Variants in INVS observed in about 807,000 individuals in gnomAD.
INVS encodes inversion of embryo turning homolog.
Under a neutral mutation model 108.8 loss-of-function variants are expected in INVS, and 86 were observed. That is an observed-to-expected ratio of 0.79 (90% CI 0.66 to 0.95). The LOEUF (loss-of-function observed/expected upper bound fraction) is 0.95, where lower values mean the gene tolerates loss of function less well. Among genes scored for constraint, INVS ranks in the 40% least tolerant of loss-of-function variants. INVS has a pLI of 0.00. For missense variants in INVS, 1,169 were observed against 1,297.4 expected, an observed-to-expected ratio of 0.90 and a Z score of 1.52; for synonymous variants, 455 against 473.5, an observed-to-expected ratio of 0.96 and a Z score of 0.51.
chr9:100,106,787 G>T (rs1222177863), intron 2 of INVS, among the ~76,000 whole-genome samples: 1 of 152,162 alleles, frequency 6.6e-6, no homozygotes, highest in Non-Finnish European at 1.5e-5. Context: ...AGCCCAGTCA[G>T]CAGGAAGGAG....
chr9:100,226,916 C>T (rs2118409495), intron 4 of INVS, among the ~76,000 whole-genome samples: 1 of 151,878 alleles, frequency 6.6e-6, no homozygotes, highest in East Asian at 1.9e-4. Context: ...TCATGATGGC[C>T]AAATGCCCAT....
Position 100,127,699 on chromosome 9 carries a change from T to TA in INVS, c.273+1151dup. ...AAAAAAGGCTGACATTAAGTTATACTACTGAATATGCTAGTTATATGCGCT... is the reference window on the plus strand; with the variant it reads ...AAAAAAGGCTGACATTAAGTTATACTAACTGAATATGCTAGTTATATGCGCT... On this transcript the variant is annotated intron_variant, in intron 3 of 16. Transcript: ENST00000262457. 2.0e-5 allele frequency among the ~76,000 whole-genome samples: 3 copies of TA among 152,316 alleles called. No homozygotes were observed. The South Asian group carries it at 6.2e-4, about 32-fold the overall frequency.
chr9:100,264,944 C>CTTTTT lies in INVS; in HGVS notation c.1571+28_1571+32dup. The CTTTTT allele has an allele frequency of 2.4e-6, 3 of 1,241,780 alleles. No homozygotes were observed. The highest frequency in any genetic ancestry group is 1.1e-6 in the Non-Finnish European group (1 of 881,856). 76.9% of individuals were successfully genotyped at this position (1,241,780 alleles called of 1,614,324 possible). A position where few individuals can be genotyped will look rare whatever the true frequency, so the allele number is the denominator to read the frequency against. ...ATGAAGAGAGGTAAGTTGTTGTTGA[C>CTTTTT]TTTTTTTTTTTTTTTTGAGATGGCT... On this transcript the variant is annotated intron_variant, in intron 11 of 16. Coordinates refer to ENST00000262457, the MANE Select transcript of INVS (RefSeq NM_014425.5).
chr9:100,246,628 G>A lies in INVS; in HGVS notation c.919G>A (p.Val307Met), dbSNP rs1832057084. Residue 307 changes from valine to methionine, a missense_variant, in exon 8 of 17, where the codon GTG (valine) becomes ATG (methionine). Around this residue, in one of 3 missense-constraint regions of INVS, gnomAD observed 365 missense variants for 397.5 expected, o/e 0.92. Transcript: ENST00000262457. ...AGTTTTCTTACAGGAAACGGTTAAAGTGTTTTTAAAACATCCTTCAGTGAA... is the reference window on the plus strand; with the variant it reads ...AGTTTTCTTACAGGAAACGGTTAAAATGTTTTTAAAACATCCTTCAGTGAA... ...AQSNFAETVKVFLKHPSVKDD... is the reference protein window; with the variant it reads ...AQSNFAETVKMFLKHPSVKDD... The A allele has an allele frequency of 1.9e-6, 3 of 1,613,528 alleles. No homozygotes were observed. The highest frequency in any genetic ancestry group is 2.5e-6 in the Non-Finnish European group (3 of 1,179,514).
At position 100,298,285 on chromosome 9, in the gene INVS, TA is replaced by T. The variant is rs1833850251; in HGVS notation, c.3091+278del. ...TACACATTTTTTCACACAAAGGAAA[TA>T]AATGAAAATACTGTCACTCTTCAAA... On this transcript the variant is annotated intron_variant, in intron 16 of 16. Transcript: ENST00000262457. The T allele has an allele frequency of 2.3e-6, 3 of 1,316,044 alleles. No individual in the cohort carries two copies. The South Asian group carries it at 4.6e-5, about 20-fold the overall frequency. 81.5% of individuals were successfully genotyped at this position (1,316,044 alleles called of 1,614,324 possible). A position where few individuals can be genotyped will look rare whatever the true frequency, so the allele number is the denominator to read the frequency against.
intron 3 of INVS, among the ~76,000 whole-genome samples, chr9:100,222,348 A>G (rs1831177384): frequency 1.3e-5 from 2 of 152,240 alleles, no homozygotes; most frequent in Admixed American, 1.3e-4. Context: ...ATGAGAAAAT[A>G]GAGGCACAGG....
At chr9:100,170,258 T>C (rs1204774935) in intron 3 of INVS, among the ~76,000 whole-genome samples, 1 of 152,034 alleles carries the variant, frequency 6.6e-6, no homozygotes, top group Non-Finnish European at 1.5e-5. Context: ...GAATTACTCA[T>C]AGGAAATGGT....
intron 3 of INVS, among the ~76,000 whole-genome samples, chr9:100,191,313 G>A (rs1032943914): frequency 1.3e-5 from 2 of 152,100 alleles, no homozygotes; most frequent in Non-Finnish European, 2.9e-5. Flanking sequence ...AGGAACACTA[G>A]TGATTCTTTG....
intron 2 of INVS, among the ~76,000 whole-genome samples, chr9:100,112,957 C>A (rs1056104885): frequency 6.6e-6 from 1 of 152,210 alleles, no homozygotes; most frequent in Non-Finnish European, 1.5e-5. Context: ...CTAGCTACTA[C>A]TATCTTTGCT....
chr9:100,296,886 T>C lies in INVS; in HGVS notation c.2787-31T>C. ...TTTAGTTTTCTCAGTACTGTGATCT[T>C]AAAGCCTCTCCTCTCCTCTGACCCA... On this transcript the variant is annotated intron_variant, in intron 14 of 16. Transcript: ENST00000262457. The C allele has an allele frequency of 2.6e-6, 4 of 1,564,990 alleles. No homozygotes were observed. In the African/African-American group the frequency reaches 4.1e-5, roughly 16 times the overall value.
chr9:100,104,416 T>G (rs1386210054), intron 1 of INVS, 82 bp from the exon 2 acceptor site: 5 of 765,910 alleles, frequency 6.5e-6, no homozygotes, highest in East Asian at 5.2e-5. Context: ...AAGCCATATT[T>G]ATAAAATACC....
intron 3 of INVS, among the ~76,000 whole-genome samples, chr9:100,191,914 A>G (rs1830234161): frequency 6.6e-6 from 1 of 152,078 alleles, no homozygotes; most frequent in Admixed American, 6.6e-5. Context: ...ATTATAGCCC[A>G]ATTTGGCTCT....
At chr9:100,261,314 G>A (rs1832615863) in intron 10 of INVS, among the ~76,000 whole-genome samples, 1 of 144,180 alleles carries the variant, frequency 6.9e-6, no homozygotes, top group South Asian at 2.2e-4. Flanking sequence ...CACCCAAGCT[G>A]GAGTGCACTG....
intron 10 of INVS, among the ~76,000 whole-genome samples, chr9:100,257,366 G>T (rs1275258521): frequency 6.6e-6 from 1 of 152,142 alleles, no homozygotes; most frequent in Non-Finnish European, 1.5e-5. Flanking sequence ...TATCCAATTT[G>T]CCAGTCTGTG....
In INVS at chr9:100,292,774, G is replaced by A. The variant is rs147041710; in HGVS notation, c.2517G>A (p.Lys839=). ...RTPRNKVTQA[K]LTGGLYSHLP... ...CAAGAAACAAAGTGACACAAGCCAA[G>A]CTCACAGGAGGGCTCTATTCACATT... Residue 839 remains lysine, a synonymous_variant, in exon 14 of 17, where the codon AAG becomes AAA. Transcript: ENST00000262457. The A allele has an allele frequency of 1.2e-4, 194 of 1,614,142 alleles. 1 individual carries two copies. The African/African-American group carries it at 2.1e-3, about 18-fold the overall frequency.
chr9:100,100,664 T>TACA lies in INVS; in HGVS notation c.-25+1248_-25+1249insACA, dbSNP rs1491437688. 3.0e-4 allele frequency among the ~76,000 whole-genome samples: 7 copies of TACA among 23,004 alleles called. 2 individuals are homozygous for TACA. Among genetic ancestry groups the TACA allele is most frequent in the African/African-American group, 2.8e-3 (7 of 2,496 alleles). The allele number at this position is 23,004 out of a possible 152,430, so 15.1% of individuals were successfully genotyped here. A position where few individuals can be genotyped will look rare whatever the true frequency, so the allele number is the denominator to read the frequency against. ...TATATATGTATATATAATATATATA[T>TACA]TATATATGTACATATAATATATATA... is the stretch of plus-strand genomic sequence containing the variant. On this transcript the variant is annotated intron_variant, in intron 1 of 16. Transcript: ENST00000262457.
chr9:100,242,802 ACT>A (rs998876377), intron 7 of INVS, 123 bp downstream of exon 7: 8 of 647,634 alleles, frequency 1.2e-5, no homozygotes, highest in African/African-American at 5.6e-5. Context: ...CACCTAGTTC[ACT>A]CTGTTTTTAT....
At chr9:100,264,028 C>G (rs1367512214) in intron 10 of INVS, among the ~76,000 whole-genome samples, 1 of 152,132 alleles carries the variant, frequency 6.6e-6, no homozygotes, top group Non-Finnish European at 1.5e-5. Flanking sequence ...TATTTGGAAG[C>G]TTTGTTATTA....
intron 3 of INVS, among the ~76,000 whole-genome samples, chr9:100,152,911 T>G (rs994433932): frequency 2.0e-5 from 3 of 152,148 alleles, no homozygotes; most frequent in Non-Finnish European, 4.4e-5. Flanking sequence ...TTAAGGAATT[T>G]GGGCTGAAAT....
Sources: gnomAD v4.1 joint callset for allele counts (sites outside exome capture counted in the v4.1 genomes callset) on GRCh38, gnomAD v4.1.1 for gene constraint, gnomAD v4.1.1 regional missense constraint, MANE v1.5 for transcripts, NCBI Gene and HGNC (gene_info 2026-07-23, HGNC 2026-07-21) for gene names.